RNF152: variants seen among roughly 807,000 people sequenced by gnomAD.
RNF152 encodes E3 ubiquitin-protein ligase RNF152.
RNF152 carries 11 observed loss-of-function variants against 12.7 expected under a neutral mutation model. The ratio of observed to expected loss-of-function variants is 0.86; its 90% CI spans 0.54 to 1.43. The LOEUF is 1.43. Ranked by LOEUF, RNF152 falls within the 40% of genes most tolerant of loss-of-function variation. RNF152 has a pLI of 0.00. For missense variants in RNF152, 255 were observed against 274.8 expected (o/e 0.93, Z 0.51); for synonymous variants, 113 against 120.3 (o/e 0.94, Z 0.40).
chr18:61,864,573 A>T (rs1006686637), intron 1 of RNF152, among the ~76,000 whole-genome samples: 1 of 152,150 alleles, frequency 6.6e-6, no homozygotes, highest in African/African-American at 2.4e-5. Flanking sequence ...CGATTAAATC[A>T]TTGCCCACTG....
intron 1 of RNF152, among the ~76,000 whole-genome samples, chr18:61,838,746 C>T (rs983616524): frequency 3.3e-5 from 5 of 152,198 alleles, no homozygotes; most frequent in African/African-American, 7.2e-5. Flanking sequence ...GTTCAAAGTG[C>T]GACTGCAGGC....
At chr18:61,844,679 C>G (rs1057386950) in intron 1 of RNF152, among the ~76,000 whole-genome samples, 1 of 152,098 alleles carries the variant, frequency 6.6e-6, no homozygotes, top group African/African-American at 2.4e-5. Flanking sequence ...TACCCAATGA[C>G]TGGGGTTTAG....
At chr18:61,820,856 C>A (rs993324243) in intron 1 of RNF152, among the ~76,000 whole-genome samples, 1 of 152,168 alleles carries the variant, frequency 6.6e-6, no homozygotes, top group African/African-American at 2.4e-5. Flanking sequence ...CAAAGCCTAG[C>A]TCTGTCACTA....
intron 1 of RNF152, among the ~76,000 whole-genome samples, chr18:61,840,262 T>G (rs2144669644): frequency 6.6e-6 from 1 of 152,338 alleles, no homozygotes; most frequent in Non-Finnish European, 1.5e-5. Context: ...GAAATAAGTT[T>G]CTGTTGTTTA....
intron 1 of RNF152, among the ~76,000 whole-genome samples, chr18:61,866,455 C>CG (rs11432214): frequency 0.99 from 151,097 of 152,264 alleles, 74,976 homozygotes; most frequent in Middle Eastern, 1. Flanking sequence ...TCCACACTCT[C>CG]GCCCGCGTTT....
In RNF152 at chr18:61,863,433, CAAAAAAAAAA is replaced by C. The variant is rs34663065; in HGVS notation, c.-136+29352_-136+29361del. On this transcript the variant is annotated intron_variant, in intron 1 of 1. Transcript: ENST00000312828. ...CTGGCAACAGAGTGAGACTCCGTCT[CAAAAAAAAAA>C]AAAAAAAAAAAGTAGCCCCTTGACT... Among the ~76,000 whole-genome samples, 354 of 90,956 alleles carry C rather than the reference CAAAAAAAAAA, an allele frequency of 3.9e-3. 2 individuals are homozygous for C. In the East Asian group the frequency reaches 0.039, roughly 10 times the overall value. The allele number at this position is 90,956 out of a possible 152,430, so 59.7% of individuals were successfully genotyped here.
chr18:61,848,322 C>G lies in RNF152; in HGVS notation c.-135-31724G>C, dbSNP rs577172294. On this transcript the variant is annotated intron_variant, in intron 1 of 1. Coordinates refer to ENST00000312828, the MANE Select transcript of RNF152 (RefSeq NM_173557.3). ...ATATTTTTGCAAGATATCAGTGCTT[C>G]CACAATTTTTCTAACCATTAGTAAT... Among the ~76,000 whole-genome samples the G allele has an allele frequency of 5.3e-5, 8 of 152,304 alleles. No homozygotes were observed. In the East Asian group the frequency reaches 1.5e-3, roughly 29 times the overall value.
At chr18:61,849,177 C>T (rs1036650132) in intron 1 of RNF152, among the ~76,000 whole-genome samples, 5 of 152,154 alleles carry the variant, frequency 3.3e-5, no homozygotes, top group Admixed American at 2.6e-4. Context: ...TACTGCCCTG[C>T]GGGGGCTTCA....
At chr18:61,892,621 G>A (rs1913013167) in intron 1 of RNF152, among the ~76,000 whole-genome samples, 174 bp downstream of exon 1, 1 of 152,112 alleles carries the variant, frequency 6.6e-6, no homozygotes, top group Admixed American at 6.5e-5. Context: ...TCAAAGGGAA[G>A]GTATAAAGTC....
chr18:61,828,296 G>C (rs920864738), intron 1 of RNF152, among the ~76,000 whole-genome samples: 17 of 152,086 alleles, frequency 1.1e-4, no homozygotes, highest in African/African-American at 4.1e-4. Context: ...AAGCTAGTAT[G>C]GTGACTATTC....
chr18:61,878,243 G>C (rs1284320136), intron 1 of RNF152, among the ~76,000 whole-genome samples: 1 of 152,170 alleles, frequency 6.6e-6, no homozygotes, highest in Admixed American at 6.5e-5. Flanking sequence ...AGACATCTTT[G>C]ATTGAACTGG....
intron 1 of RNF152, among the ~76,000 whole-genome samples, chr18:61,826,298 A>G (rs1273193511): frequency 2.0e-5 from 3 of 152,218 alleles, no homozygotes; most frequent in African/African-American, 7.2e-5. Flanking sequence ...GGAGAGAAAC[A>G]AAGAGAAACC....
chr18:61,846,949 C>T (rs28594579), intron 1 of RNF152, among the ~76,000 whole-genome samples: 7,485 of 152,196 alleles, frequency 0.049, 245 homozygotes, highest in Non-Finnish European at 0.075. Context: ...GTTAACCTTA[C>T]TGAGTATCTG....
At chr18:61,859,601 G>A (rs1014041568) in intron 1 of RNF152, among the ~76,000 whole-genome samples, 50 of 152,266 alleles carry the variant, frequency 3.3e-4, no homozygotes, top group African/African-American at 1.0e-3. Flanking sequence ...CACCTAGGCC[G>A]GGCACGGTGG....
In RNF152 at chr18:61,814,267, A is replaced by T. The variant is rs1367039714; in HGVS notation, c.*1585T>A. On this transcript the variant is annotated 3_prime_UTR_variant, in exon 2 of 2. Transcript: ENST00000312828. Reference sequence around the variant, plus strand: ...TCTTGACCTCACAGGGCTATTTTCTAGCCTTGCTTTTTGGAATTAGCCCTG... The same window carrying T: ...TCTTGACCTCACAGGGCTATTTTCTTGCCTTGCTTTTTGGAATTAGCCCTG... 3 of 152,212 alleles carry T rather than the reference A, an allele frequency of 2.0e-5. No individual in the cohort carries two copies. The highest frequency in any genetic ancestry group is 7.2e-5 in the African/African-American group (3 of 41,452). 9.4% of individuals were successfully genotyped at this position (152,212 alleles called of 1,614,324 possible). A position where few individuals can be genotyped will look rare whatever the true frequency, so the allele number is the denominator to read the frequency against.
rs576936020 is a variant in RNF152 at position 61,822,912 on chromosome 18, A to G, written c.-135-6314T>C. ...CATCTACTTAAATCTTCAACAAAAT[A>G]TAAATATTTGAAATGGGATTAAACA... On this transcript the variant is annotated intron_variant, in intron 1 of 1. Transcript: ENST00000312828. Among the ~76,000 whole-genome samples, 3 of 152,386 alleles carry G rather than the reference A, an allele frequency of 2.0e-5. No individual in the cohort carries two copies. In the South Asian group the frequency reaches 6.2e-4, roughly 32 times the overall value.
chr18:61,871,416 T>C (rs79951105), intron 1 of RNF152, among the ~76,000 whole-genome samples: 4,854 of 152,170 alleles, frequency 0.032, 270 homozygotes, highest in African/African-American at 0.11. Context: ...GTTACCAGGA[T>C]TCATCATCTC....
chr18:61,881,718 A>G (rs1204264395), intron 1 of RNF152, among the ~76,000 whole-genome samples: 1 of 152,224 alleles, frequency 6.6e-6, no homozygotes. Context: ...CTTCATTGCA[A>G]ACTAGATTTG....
At chr18:61,871,598 A>T (rs1449370786) in intron 1 of RNF152, among the ~76,000 whole-genome samples, 1 of 152,206 alleles carries the variant, frequency 6.6e-6, no homozygotes, top group Non-Finnish European at 1.5e-5. Context: ...TCATTAAGAA[A>T]TGACTCTCTA....
Sources: gnomAD v4.1 joint callset for allele counts (sites outside exome capture counted in the v4.1 genomes callset) on GRCh38, gnomAD v4.1.1 for gene constraint, MANE v1.5 for transcripts, NCBI Gene and HGNC (gene_info 2026-07-23, HGNC 2026-07-21) for gene names.